Variants in IFT88 observed in about 807,000 individuals in gnomAD.
IFT88 encodes the protein intraflagellar transport protein 88 homolog.
Under a neutral mutation model 119.5 loss-of-function variants are expected in IFT88, and 74 were observed. That is an observed-to-expected ratio of 0.62 (90% CI 0.51 to 0.75). The LOEUF (loss-of-function observed/expected upper bound fraction) is 0.75. IFT88 is among the 30% of genes least tolerant of loss of function. The pLI, the probability that IFT88 is intolerant of heterozygous loss-of-function variation, is 0.00. For missense variants in IFT88, 961 were observed against 977.7 expected (o/e 0.98, Z 0.23); for synonymous variants, 279 against 316.7 (o/e 0.88, Z 1.26).
intron 3 of IFT88, among the ~76,000 whole-genome samples, chr13:20,584,845 C>G: frequency 6.6e-6 from 1 of 152,182 alleles, no homozygotes; most frequent in South Asian, 2.1e-4. Flanking sequence ...TGCCCCCCCA[C>G]CAGGGACATT....
At chr13:20,651,277 A>AATT (rs1263310241) in intron 20 of IFT88, among the ~76,000 whole-genome samples, 1 of 151,682 alleles carries the variant, frequency 6.6e-6, no homozygotes, top group Non-Finnish European at 1.5e-5. Context: ...TTTTCTTAAA[A>AATT]ATATTAAGTC....
chr13:20,640,247 G>C (rs867161118), intron 17 of IFT88, among the ~76,000 whole-genome samples: 27 of 151,640 alleles, frequency 1.8e-4, no homozygotes, highest in Admixed American at 1.7e-3. Flanking sequence ...AAAATTTTGA[G>C]TTCATTTTTT....
intron 2 of IFT88, among the ~76,000 whole-genome samples, chr13:20,580,731 T>C (rs573029089): frequency 2.5e-4 from 36 of 146,402 alleles, no homozygotes; most frequent in African/African-American, 7.4e-4. Flanking sequence ...TTTCTTTTTT[T>C]TTTTTTTTTT....
chr13:20,626,429 C>T (rs1323148347), intron 15 of IFT88, among the ~76,000 whole-genome samples: 1 of 152,042 alleles, frequency 6.6e-6, no homozygotes, highest in Non-Finnish European at 1.5e-5. Context: ...TATTCTATTC[C>T]GGAGATTAAC....
chr13:20,627,131 A>G (rs2442446), intron 15 of IFT88, among the ~76,000 whole-genome samples: 32,237 of 152,128 alleles, frequency 0.21, 3,954 homozygotes, highest in African/African-American at 0.31. Context: ...TGCATATGTT[A>G]ATTTACTATG....
rs113225728 is a variant in IFT88 at position 20,606,025 on chromosome 13, A to AT, written c.1112+921dup. ...TATATGTAGGTTTCATGATGTAGGCATGATTTTTATCATTGGCCATTGGTG... is the reference window on the plus strand; with the variant it reads ...TATATGTAGGTTTCATGATGTAGGCATTGATTTTTATCATTGGCCATTGGTG... On this transcript the variant is annotated intron_variant, in intron 13 of 25. Transcript: ENST00000351808. Among the ~76,000 whole-genome samples the AT allele has an allele frequency of 2.6e-5, 4 of 151,910 alleles. No homozygotes were observed. In the East Asian group the frequency reaches 7.8e-4, roughly 29 times the overall value.
At chr13:20,609,727 G>C (rs959364035) in intron 13 of IFT88, among the ~76,000 whole-genome samples, 1 of 152,096 alleles carries the variant, frequency 6.6e-6, no homozygotes, top group Non-Finnish European at 1.5e-5. Context: ...CTGGCCAATA[G>C]AGTGAGACTC....
At chr13:20,578,493 A>G (rs1482508320) in intron 2 of IFT88, among the ~76,000 whole-genome samples, 1 of 145,890 alleles carries the variant, frequency 6.9e-6, no homozygotes, top group East Asian at 2.0e-4. Flanking sequence ...TTTTCAATTT[A>G]TTGGTATATA....
chr13:20,625,844 A>G lies in IFT88; in HGVS notation c.1294A>G (p.Asn432Asp), dbSNP rs2047206508. 1.9e-6 allele frequency: 3 copies of G among 1,576,320 alleles called. No homozygotes were observed. The highest frequency in any genetic ancestry group is 2.6e-6 in the Non-Finnish European group (3 of 1,165,380). Residue 432 changes from asparagine to aspartate, a missense_variant, in exon 15 of 26, where the codon AAC becomes GAC. Transcript: ENST00000351808. ...TACATACTTGAGACAAAAAGACTAT[A>G]ACCAAGTAAGTTTTAAAAAAAATTT... ...AVTYLRQKDY[N>D]QAVEILKVLE... is the part of the protein sequence containing the mutation.
intron 20 of IFT88, among the ~76,000 whole-genome samples, chr13:20,651,482 CAAAAG>C (rs2051686192): frequency 6.7e-6 from 1 of 148,550 alleles, no homozygotes; most frequent in Non-Finnish European, 1.5e-5. Context: ...TTATGATAGT[CAAAAG>C]TAGCCTCAGC....
At chr13:20,627,083 A>C (rs987119853) in intron 15 of IFT88, among the ~76,000 whole-genome samples, 1 of 152,246 alleles carries the variant, frequency 6.6e-6, no homozygotes, top group African/African-American at 2.4e-5. Flanking sequence ...CACGAAATAA[A>C]TACATATAAT....
rs189305693 is a variant in IFT88 at position 20,646,744 on chromosome 13, C to T, written c.1949+1786C>T. Among the ~76,000 whole-genome samples the T allele has an allele frequency of 1.5e-4, 23 of 151,546 alleles. 1 individual carries two copies. The East Asian group carries it at 3.9e-3, about 26-fold the overall frequency. On this transcript the variant is annotated intron_variant, in intron 20 of 25. Coordinates refer to ENST00000351808, the MANE Select transcript of IFT88 (RefSeq NM_006531.5). ...TGATATTGAGACCTCCCCTCTTGAC[C>T]TTCCCCTTATCTTGCAGTCTCAGCC...
chr13:20,578,575 G>T (rs1322627196), intron 2 of IFT88, among the ~76,000 whole-genome samples: 1 of 151,762 alleles, frequency 6.6e-6, no homozygotes, highest in Admixed American at 6.6e-5. Context: ...TTGAGACAGA[G>T]TCTCGCTCTG....
At chr13:20,663,331 C>T in intron 22 of IFT88, 167 bp from the exon 23 acceptor site, 1 of 1,515,380 alleles carries the variant, frequency 6.6e-7, no homozygotes, top group Non-Finnish European at 8.8e-7. Flanking sequence ...GAAGTCAGTT[C>T]TCCCTGGTCC....
At chr13:20,653,051 G>A (rs2052056651) in intron 20 of IFT88, among the ~76,000 whole-genome samples, 1 of 152,232 alleles carries the variant, frequency 6.6e-6, no homozygotes, top group Non-Finnish European at 1.5e-5. Context: ...TTAGCATGTA[G>A]GTGGAAGGGA....
At chr13:20,643,685 T>C in intron 19 of IFT88, 80 bp downstream of exon 19, 1 of 922,896 alleles carries the variant, frequency 1.1e-6, no homozygotes, top group South Asian at 1.7e-5. Context: ...GCTTTAAAAT[T>C]TTAGAAGATC....
At chr13:20,645,122 T>C (rs1216596769) in intron 20 of IFT88, among the ~76,000 whole-genome samples, 164 bp downstream of exon 20, 1 of 152,214 alleles carries the variant, frequency 6.6e-6, no homozygotes, top group East Asian at 1.9e-4. Flanking sequence ...GGAGTTTCGC[T>C]CTTGTTGCCC....
intron 22 of IFT88, among the ~76,000 whole-genome samples, chr13:20,660,198 T>C (rs10400614): frequency 0.16 from 24,913 of 152,156 alleles, 2,381 homozygotes; most frequent in African/African-American, 0.25. Flanking sequence ...AGGGTTGTCA[T>C]GGAACGGCTT....
intron 24 of IFT88, among the ~76,000 whole-genome samples, chr13:20,672,448 A>G (rs1594829496): frequency 6.6e-6 from 1 of 152,178 alleles, no homozygotes; most frequent in Non-Finnish European, 1.5e-5. Context: ...CTCTTCAGCC[A>G]CCATGGTCCT....
Sources: allele counts gnomAD v4.1 joint callset (sites outside exome capture counted in the v4.1 genomes callset), GRCh38; gene constraint gnomAD v4.1.1; transcripts MANE v1.5; gene names NCBI Gene and HGNC (gene_info 2026-07-23, HGNC 2026-07-21).